The following RNGTT variants were observed in gnomAD, a reference collection of about 807,000 sequenced individuals.
The protein encoded by RNGTT is RNA guanylyltransferase and 5'-phosphatase.
RNGTT carries 33 observed loss-of-function variants against 79.3 expected under a neutral mutation model. That is an observed-to-expected ratio of 0.42 (90% CI 0.32 to 0.56). The LOEUF (loss-of-function observed/expected upper bound fraction) is 0.56. RNGTT is among the 20% of genes least tolerant of loss of function. The probability of loss-of-function intolerance (pLI) is 0.17; values close to 1 mark genes in which losing one functional copy is unlikely to be tolerated. For missense variants in RNGTT, 497 were observed against 739.1 expected (o/e 0.67, Z 3.80); for synonymous variants, 222 against 235.9 (o/e 0.94, Z 0.54).
intron 14 of RNGTT, among the ~76,000 whole-genome samples, chr6:88,649,201 G>A (rs575997682): frequency 6.6e-6 from 1 of 152,294 alleles, no homozygotes; most frequent in Non-Finnish European, 1.5e-5. Flanking sequence ...GGTAAATTTT[G>A]AGACATGTAA....
At chr6:88,920,666 A>C (rs1447147150) in intron 4 of RNGTT, among the ~76,000 whole-genome samples, 1 of 152,194 alleles carries the variant, frequency 6.6e-6, no homozygotes, top group African/African-American at 2.4e-5. Context: ...GGTAAACATT[A>C]AATATGCTTA....
chr6:88,940,943 C>T (rs1784824973), intron 2 of RNGTT, 128 bp downstream of exon 2: 1 of 549,714 alleles, frequency 1.8e-6, no homozygotes, highest in South Asian at 2.9e-5. Context: ...ATTCTATGTA[C>T]AATTACTGCA....
intron 10 of RNGTT, among the ~76,000 whole-genome samples, chr6:88,849,066 C>G (rs1781582099): frequency 6.6e-6 from 1 of 151,954 alleles, no homozygotes; most frequent in African/African-American, 2.4e-5. Context: ...CTTCCCTACT[C>G]ACAAAGAAAC....
intron 11 of RNGTT, among the ~76,000 whole-genome samples, chr6:88,808,100 T>C (rs1208398317): frequency 6.6e-6 from 1 of 152,144 alleles, no homozygotes; most frequent in Non-Finnish European, 1.5e-5. Flanking sequence ...GAATAAAATC[T>C]GTATCTAAAC....
chr6:88,743,519 C>A (rs755748998), intron 13 of RNGTT, among the ~76,000 whole-genome samples: 1 of 152,128 alleles, frequency 6.6e-6, no homozygotes, highest in Non-Finnish European at 1.5e-5. Flanking sequence ...CCCTGGTGAC[C>A]ACCATTCTAC....
At chr6:88,862,619 A>G (rs773204966) in intron 8 of RNGTT, among the ~76,000 whole-genome samples, 1 of 152,204 alleles carries the variant, frequency 6.6e-6, no homozygotes, top group Non-Finnish European at 1.5e-5. Flanking sequence ...AATTGAAGCT[A>G]GCTGGTCAGA....
intron 13 of RNGTT, among the ~76,000 whole-genome samples, chr6:88,683,503 A>G (rs1775164556): frequency 1.3e-5 from 2 of 152,230 alleles, no homozygotes; most frequent in Non-Finnish European, 2.9e-5. Flanking sequence ...ACCAAAATTA[A>G]TTCTAATTAC....
At chr6:88,931,355 A>T (rs1784509159) in intron 2 of RNGTT, among the ~76,000 whole-genome samples, 1 of 152,182 alleles carries the variant, frequency 6.6e-6, no homozygotes, top group African/African-American at 2.4e-5. Flanking sequence ...AGTTGCTTAC[A>T]TACACATAAA....
chr6:88,805,084 T>TA (rs1779911853), intron 11 of RNGTT, among the ~76,000 whole-genome samples: 1 of 152,188 alleles, frequency 6.6e-6, no homozygotes, highest in African/African-American at 2.4e-5. Flanking sequence ...CTGATGATAA[T>TA]AAAAAAGCAG....
chr6:88,667,372 C>T (rs939650292), intron 14 of RNGTT, among the ~76,000 whole-genome samples: 3 of 152,202 alleles, frequency 2.0e-5, no homozygotes, highest in African/African-American at 7.2e-5. Flanking sequence ...TAGGCTGGCA[C>T]TTCTACATTT....
intron 13 of RNGTT, among the ~76,000 whole-genome samples, chr6:88,712,246 A>G (rs1776343955): frequency 1.3e-5 from 2 of 152,224 alleles, no homozygotes; most frequent in Admixed American, 6.5e-5. Context: ...ATCAAATACT[A>G]TGGGACTTCA....
At chr6:88,849,704 ACATT>A (rs779794943) in intron 10 of RNGTT, 47 bp downstream of exon 10, 10 of 1,445,452 alleles carry the variant, frequency 6.9e-6, no homozygotes, top group Middle Eastern at 1.9e-4. Context: ...TGTCAAAAAT[ACATT>A]CATTATTTCA....
intron 8 of RNGTT, among the ~76,000 whole-genome samples, chr6:88,874,177 G>A (rs554109796): frequency 1.7e-4 from 26 of 152,172 alleles, no homozygotes; most frequent in African/African-American, 6.0e-4. Context: ...AACAGGTTAT[G>A]CTTTTCAGAA....
chr6:88,858,572 T>A (rs1357737975), intron 8 of RNGTT, among the ~76,000 whole-genome samples: 2 of 152,194 alleles, frequency 1.3e-5, no homozygotes, highest in African/African-American at 4.8e-5. Context: ...AGCACTTTTA[T>A]TAACTCATTT....
chr6:88,709,685 C>T (rs762022758), intron 13 of RNGTT, among the ~76,000 whole-genome samples: 4 of 152,276 alleles, frequency 2.6e-5, no homozygotes, highest in Admixed American at 6.5e-5. Context: ...TACATTCTTT[C>T]TTTTTGCATC....
intron 4 of RNGTT, among the ~76,000 whole-genome samples, chr6:88,921,067 A>G (rs1784149154): frequency 6.6e-6 from 1 of 152,198 alleles, no homozygotes; most frequent in South Asian, 2.1e-4. Context: ...TTTCTAAATA[A>G]AAAGCACTAA....
rs1782613946 is a variant in RNGTT at position 88,879,199 on chromosome 6, A to T, written c.896+11296T>A. On this transcript the variant is annotated intron_variant, in intron 8 of 15. Transcript: ENST00000369485. ...ATCACGAGGTAAGGAGTTTGACACC[A>T]GCCTGGCAACATAGTGAAACCCTGT... 2.6e-5 allele frequency among the ~76,000 whole-genome samples: 4 copies of T among 152,160 alleles called. No homozygotes were observed. The South Asian group carries it at 8.3e-4, about 31-fold the overall frequency.
At chr6:88,728,895 T>A (rs1777010505) in intron 13 of RNGTT, among the ~76,000 whole-genome samples, 1 of 152,180 alleles carries the variant, frequency 6.6e-6, no homozygotes, top group Non-Finnish European at 1.5e-5. Context: ...TTGAAATAGA[T>A]CAAATATTCC....
At chr6:88,614,537 A>T in intron 14 of RNGTT, 142 bp from the exon 15 acceptor site, 1 of 739,756 alleles carries the variant, frequency 1.4e-6, no homozygotes, top group Non-Finnish European at 2.2e-6. Flanking sequence ...TGAAGTATCT[A>T]ATCAAGCTTA....
Sources: allele counts gnomAD v4.1 joint callset (sites outside exome capture counted in the v4.1 genomes callset), GRCh38; gene constraint gnomAD v4.1.1; transcripts MANE v1.5; gene names NCBI Gene and HGNC (gene_info 2026-07-23, HGNC 2026-07-21).